Variants in NBPF14 observed in about 807,000 individuals in gnomAD.
NBPF14 encodes the protein NBPF member 14, also known as NBPF family member NBPF14.
In NBPF14, 104 loss-of-function variants were observed where a neutral mutation model predicts 91.2. The observed-to-expected ratio is 1.14, with a 90% CI of 0.97 to 1.34. NBPF14 has a LOEUF of 1.34. NBPF14 is among the 40% of genes most tolerant of loss of function. The probability of loss-of-function intolerance (pLI) is 0.00; values close to 1 mark genes in which losing one functional copy is unlikely to be tolerated. For missense variants in NBPF14, 908 were observed against 783.0 expected (o/e 1.16, Z -1.91); for synonymous variants, 294 against 303.8 (o/e 0.97, Z 0.34).
intron 37 of NBPF14, among the ~76,000 whole-genome samples, chr1:148,559,413 C>G (rs1308951129): frequency 7.5e-6 from 1 of 134,198 alleles, no homozygotes; most frequent in South Asian, 2.5e-4. Context: ...CACCCTGTCT[C>G]ATCAAATACT....
chr1:148,533,897 T>A, exon 70 of NBPF14: 1 of 757,798 alleles, frequency 1.3e-6, no homozygotes. Context: ...TTCCCCTTCT[T>A]TTCTTCCCCT....
chr1:148,542,063 C>A (rs1341536208), intron 59 of NBPF14, among the ~76,000 whole-genome samples: 4 of 90,450 alleles, frequency 4.4e-5, no homozygotes, highest in African/African-American at 9.4e-5. Flanking sequence ...AGATCGTTAT[C>A]CCAATATCAT....
chr1:148,585,264 AG>A (rs1661318925), intron 9 of NBPF14, 51 bp from the exon 10 acceptor site: 1 of 1,538,178 alleles, frequency 6.5e-7, no homozygotes, highest in African/African-American at 1.3e-5. Flanking sequence ...ACAGTCTGCA[AG>A]CACAGTCAGC....
At position 148,566,297 on chromosome 1, in the gene NBPF14, C is replaced by T. The variant is rs1488815843; in HGVS notation, c.3561G>A (p.Leu1187=). ...GCAAGACTTCAGGCTCTACTACCTC[C>T]AGCAGCTCCCTGCTGAGCCTGGAAA... The change falls in exon 29 of 71, where the codon CTG becomes CTA. Residue 1187 remains leucine, a synonymous_variant. Transcript: ENST00000619423. 1.4e-4 allele frequency: 95 copies of T among 690,432 alleles called. 17 individuals are homozygous for T. Among genetic ancestry groups the T allele is most frequent in the Non-Finnish European group, 2.4e-4 (94 of 385,526 alleles). 42.8% of individuals were successfully genotyped at this position (690,432 alleles called of 1,614,324 possible).
chr1:148,578,855 G>T (rs1218803225), intron 13 of NBPF14, among the ~76,000 whole-genome samples: 1 of 149,122 alleles, frequency 6.7e-6, no homozygotes, highest in Non-Finnish European at 1.5e-5. Context: ...AGGTTGGCAT[G>T]GGCATGGCCT....
chr1:148,566,565 C>G (rs1213898729), intron 28 of NBPF14, among the ~76,000 whole-genome samples: 12 of 133,392 alleles, frequency 9.0e-5, no homozygotes, highest in Non-Finnish European at 2.0e-4. Context: ...ACACAGAGAA[C>G]GAGCTCAGTG....
exon 21 of NBPF14, chr1:148,572,497 T>A: frequency 1.7e-6 from 1 of 584,308 alleles, no homozygotes; most frequent in South Asian, 1.7e-5. Flanking sequence ...TAAACAGCAC[T>A]GCTGTAGGGC....
chr1:148,587,484 T>A (rs1417691793), intron 7 of NBPF14, 81 bp from the exon 8 acceptor site: 1 of 1,370,286 alleles, frequency 7.3e-7, no homozygotes, highest in East Asian at 2.3e-5. Flanking sequence ...AGGAGCCAGG[T>A]CCATCCCAAG....
chr1:148,535,158 C>T (rs1383930743), intron 68 of NBPF14, among the ~76,000 whole-genome samples: 5 of 148,884 alleles, frequency 3.4e-5, no homozygotes, highest in South Asian at 2.1e-4. Context: ...GGACACACAG[C>T]GAACAGTGAT....
At chr1:148,585,182 T>C in exon 10 of NBPF14, 1 of 1,581,520 alleles carries the variant, frequency 6.3e-7, no homozygotes, top group Non-Finnish European at 8.6e-7. Context: ...CCACCTCAAC[T>C]TGAACATCTT....
At chr1:148,533,404 G>T (rs1159250718) in intron 70 of NBPF14, among the ~76,000 whole-genome samples, 156 bp from the exon 71 acceptor site, 1 of 149,406 alleles carries the variant, frequency 6.7e-6, no homozygotes, top group East Asian at 2.0e-4. Flanking sequence ...TTTATGTTGG[G>T]ATAGAACAGG....
chr1:148,538,201 TAG>T (rs1261835630), intron 64 of NBPF14, among the ~76,000 whole-genome samples, 195 bp from the exon 65 acceptor site: 6 of 45,066 alleles, frequency 1.3e-4, no homozygotes, highest in African/African-American at 4.2e-4. Context: ...GAAAGACAGA[TAG>T]ACACACACAC....
exon 37 of NBPF14, chr1:148,559,960 C>T (rs1243556444): frequency 4.4e-6 from 6 of 1,361,894 alleles, no homozygotes; most frequent in Non-Finnish European, 6.1e-6. Context: ...CAGCTCCCTG[C>T]TGAGCCTGGA....
intron 12 of NBPF14, among the ~76,000 whole-genome samples, chr1:148,579,933 C>T (rs1475081608): frequency 2.6e-4 from 40 of 152,124 alleles, no homozygotes; most frequent in African/African-American, 8.2e-4. Context: ...ACCCCAAAAC[C>T]CCATCTGTAG....
intron 3 of NBPF14, among the ~76,000 whole-genome samples, 152 bp downstream of exon 3, chr1:148,593,446 T>C (rs1378750473): frequency 1.4e-5 from 2 of 147,544 alleles, no homozygotes; most frequent in Non-Finnish European, 3.0e-5. Context: ...ATTATCCTTG[T>C]TCTCTGATAA....
intron 39 of NBPF14, 69 bp downstream of exon 39, chr1:148,558,183 G>A: frequency 4.6e-6 from 1 of 215,898 alleles, no homozygotes; most frequent in East Asian, 1.3e-4. Flanking sequence ...AGGGGCACTT[G>A]GAACAGGAAT....
At chr1:148,559,435 T>C (rs1201864207) in intron 37 of NBPF14, among the ~76,000 whole-genome samples, 5 of 133,684 alleles carry the variant, frequency 3.7e-5, no homozygotes, top group Non-Finnish European at 6.0e-5. Context: ...AGATTGTTCA[T>C]GGTAGCGAGG....
chr1:148,578,019 T>G (rs1570998439), exon 14 of NBPF14: 1 of 689,650 alleles, frequency 1.5e-6, no homozygotes, highest in Non-Finnish European at 2.6e-6. Context: ...CTTTTTCACT[T>G]GATCCCACCG....
In NBPF14 at chr1:148,533,267, C is replaced by A. The variant is rs781960695; in HGVS notation, c.8724-19G>T. ...GTTGAGCCTGGAAAAGGAGACAAAA[C>A]TAAAGAAGCAGCCAGGGAAAATCAG... On this transcript the variant is annotated intron_variant, in intron 70 of 70. Transcript: ENST00000619423. 127 of 635,616 alleles carry A rather than the reference C, an allele frequency of 2.0e-4. No homozygotes were observed. Among genetic ancestry groups the A allele is most frequent in the Non-Finnish European group, 2.6e-4 (106 of 415,012 alleles). 39.4% of individuals were successfully genotyped at this position (635,616 alleles called of 1,614,324 possible). A position where few individuals can be genotyped will look rare whatever the true frequency, so the allele number is the denominator to read the frequency against.
Sources: gnomAD v4.1 joint callset for allele counts (sites outside exome capture counted in the v4.1 genomes callset) on GRCh38, gnomAD v4.1.1 for gene constraint, MANE v1.5 for transcripts, NCBI Gene and HGNC (gene_info 2026-07-23, HGNC 2026-07-21) for gene names.